The following MROH9 variants were observed in gnomAD, a reference collection of about 807,000 sequenced individuals.
The protein encoded by MROH9 is maestro heat-like repeat-containing protein family member 9.
MROH9 carries 92 observed loss-of-function variants against 98.2 expected under a neutral mutation model. That is an observed-to-expected ratio of 0.94 (90% CI 0.79 to 1.11). MROH9 has a LOEUF of 1.11. MROH9 is among the 50% of genes most tolerant of loss of function. The pLI is 0.00. For synonymous variants in MROH9, 397 were observed against 368.9 expected (o/e 1.08, Z -0.87); for missense variants, 1,057 against 1,014.8 (o/e 1.04, Z -0.57).
intron 8 of MROH9, among the ~76,000 whole-genome samples, chr1:170,974,100 T>G (rs1182377586): frequency 1.3e-5 from 2 of 152,122 alleles, no homozygotes; most frequent in South Asian, 4.1e-4. Context: ...GACATAGTAA[T>G]AGTAATTATC....
At chr1:170,989,294 C>A (rs549288626) in intron 10 of MROH9, among the ~76,000 whole-genome samples, 1 of 152,190 alleles carries the variant, frequency 6.6e-6, no homozygotes, top group South Asian at 2.1e-4. Context: ...AATTTCAGAT[C>A]CAGTTAGAAC....
intron 20 of MROH9, among the ~76,000 whole-genome samples, chr1:171,060,574 G>A (rs1231965172): frequency 6.6e-6 from 1 of 152,176 alleles, no homozygotes; most frequent in African/African-American, 2.4e-5. Context: ...GTGACACAAT[G>A]ATAGACAGAA....
In MROH9 at chr1:170,962,949, A is replaced by T. The variant is rs756553198; in HGVS notation, c.375+973A>T. On this transcript the variant is annotated intron_variant, in intron 6 of 21. Coordinates refer to ENST00000367759, the MANE Select transcript of MROH9 (RefSeq NM_001163629.2). ...ATTTCGTGAAAAAGACACCAAAAGC[A>T]GTTGCAAATGGGACCAAAAGCAAAA... 1.1e-3 allele frequency among the ~76,000 whole-genome samples: 168 copies of T among 152,176 alleles called. 2 individuals carry two copies. The highest frequency in any genetic ancestry group is 4.9e-4 in the Non-Finnish European group (33 of 67,958).
intron 20 of MROH9, among the ~76,000 whole-genome samples, chr1:171,049,075 GT>G (rs1005217147): frequency 4.7e-4 from 72 of 152,146 alleles, no homozygotes; most frequent in Non-Finnish European, 8.4e-4. Flanking sequence ...GGAAAGGAAA[GT>G]GTCTTTTTTG....
chr1:170,973,616 C>T (rs534218011), intron 8 of MROH9, among the ~76,000 whole-genome samples: 12 of 152,182 alleles, frequency 7.9e-5, no homozygotes, highest in Non-Finnish European at 1.6e-4. Context: ...TGGCTCATGC[C>T]TGTAATCCCA....
intron 11 of MROH9, among the ~76,000 whole-genome samples, chr1:170,990,257 G>T (rs1651305105): frequency 6.6e-6 from 1 of 152,196 alleles, no homozygotes; most frequent in Admixed American, 6.5e-5. Context: ...TTATTTATCT[G>T]AGGCTTTAAA....
chr1:170,994,370 C>T (rs1321604203), intron 12 of MROH9, among the ~76,000 whole-genome samples: 1 of 152,132 alleles, frequency 6.6e-6, no homozygotes, highest in Non-Finnish European at 1.5e-5. Flanking sequence ...TGGAAAAGTA[C>T]ATATGTTATT....
intron 20 of MROH9, among the ~76,000 whole-genome samples, chr1:171,029,208 T>C (rs1203255226): frequency 6.6e-6 from 1 of 152,122 alleles, no homozygotes; most frequent in African/African-American, 2.4e-5. Flanking sequence ...AATATCTAGT[T>C]TATTAAGAGG....
At chr1:171,011,880 T>C (rs1458274438) in intron 15 of MROH9, among the ~76,000 whole-genome samples, 1 of 149,374 alleles carries the variant, frequency 6.7e-6, no homozygotes, top group Non-Finnish European at 1.5e-5. Context: ...ATTAATTCTA[T>C]TGTTTTTTTT....
intron 3 of MROH9, among the ~76,000 whole-genome samples, chr1:170,953,767 G>C (rs1400658234): frequency 6.8e-6 from 1 of 146,256 alleles, no homozygotes; most frequent in Non-Finnish European, 1.5e-5. Flanking sequence ...GAAAGAGAAA[G>C]AAAGGATGGA....
At chr1:170,996,695 C>T in intron 14 of MROH9, 51 bp downstream of exon 14, 7 of 1,572,466 alleles carry the variant, frequency 4.5e-6, no homozygotes, top group Non-Finnish European at 6.1e-6. Context: ...CCTACCTTCT[C>T]CAACTTCCTT....
In MROH9 at chr1:171,061,655, G is replaced by A. The variant is rs1331259745; in HGVS notation, c.2282-477G>A. Among the ~76,000 whole-genome samples the A allele has an allele frequency of 2.6e-5, 4 of 152,196 alleles. No individual in the cohort carries two copies. The East Asian group carries it at 7.7e-4, about 29-fold the overall frequency. On this transcript the variant is annotated intron_variant, in intron 20 of 21. Coordinates refer to ENST00000367759, the MANE Select transcript of MROH9 (RefSeq NM_001163629.2). The stretch of plus-strand genomic sequence containing the variant: ...TAGATATGTAAACAAATGAGCCAAT[G>A]TGAATGGCTGTATCTCAAGAAAACT...
At chr1:170,937,688 AT>A (rs1235144396) in intron 1 of MROH9, among the ~76,000 whole-genome samples, 1 of 150,602 alleles carries the variant, frequency 6.6e-6, no homozygotes, top group Non-Finnish European at 1.5e-5. Flanking sequence ...CGCCCGGCTA[AT>A]TTTTTTTGTA....
At chr1:170,952,997 G>C (rs1012905051) in intron 3 of MROH9, among the ~76,000 whole-genome samples, 3 of 151,940 alleles carry the variant, frequency 2.0e-5, no homozygotes, top group Non-Finnish European at 2.9e-5. Flanking sequence ...AAATGTATTA[G>C]CTACTTTTAA....
intron 3 of MROH9, among the ~76,000 whole-genome samples, chr1:170,950,151 G>C (rs1451766429): frequency 1.3e-5 from 2 of 151,974 alleles, no homozygotes; most frequent in Non-Finnish European, 2.9e-5. Context: ...ATAGATCCTG[G>C]CTGCACAGTT....
chr1:170,996,718 C>A lies in MROH9; in HGVS notation c.1475+74C>A, dbSNP rs187959463. On this transcript the variant is annotated intron_variant, in intron 14 of 21. Transcript: ENST00000367759. ...CTCCAACTTCCTTCAATAAGCCATG[C>A]GGGAACAAGATAGGCATCTATTCCA... 30 of 1,459,346 alleles carry A rather than the reference C, an allele frequency of 2.1e-5. No homozygotes were observed. In the East Asian group the frequency reaches 3.8e-4, roughly 18 times the overall value. 90.4% of individuals were successfully genotyped at this position (1,459,346 alleles called of 1,614,324 possible). A position where few individuals can be genotyped will look rare whatever the true frequency, so the allele number is the denominator to read the frequency against.
chr1:171,043,967 C>T (rs1253632424), intron 20 of MROH9, among the ~76,000 whole-genome samples: 1 of 152,070 alleles, frequency 6.6e-6, no homozygotes, highest in Non-Finnish European at 1.5e-5. Flanking sequence ...ATATCTTTCT[C>T]TTATCTGATT....
chr1:171,005,432 T>C (rs190278318), intron 15 of MROH9, among the ~76,000 whole-genome samples: 2 of 152,322 alleles, frequency 1.3e-5, no homozygotes, highest in East Asian at 1.9e-4. Context: ...TCTTTCCATG[T>C]ATGTGTGTCT....
intron 1 of MROH9, among the ~76,000 whole-genome samples, chr1:170,942,498 T>A (rs568603921): frequency 1.3e-5 from 2 of 152,146 alleles, no homozygotes; most frequent in South Asian, 2.1e-4. Flanking sequence ...CCTGTGAAAA[T>A]TTTTAAGAAA....
Sources: gnomAD v4.1 joint callset for allele counts (sites outside exome capture counted in the v4.1 genomes callset) on GRCh38, gnomAD v4.1.1 for gene constraint, MANE v1.5 for transcripts, NCBI Gene and HGNC (gene_info 2026-07-23, HGNC 2026-07-21) for gene names.